The following PRELID2 variants were observed in gnomAD, a reference collection of about 807,000 sequenced individuals.
PRELID2 encodes PRELI domain containing 2, also known as PRELI domain-containing protein 2.
In PRELID2, 25 loss-of-function variants were observed where a neutral mutation model predicts 28.4. The ratio of observed to expected loss-of-function variants is 0.88; its 90% confidence interval spans 0.64 to 1.23. The LOEUF (loss-of-function observed/expected upper bound fraction) is 1.23, where lower values mean the gene tolerates loss of function less well. PRELID2 is among the 50% of genes most tolerant of loss of function. The pLI is 0.00. For missense variants in PRELID2, 201 were observed against 214.4 expected, an observed-to-expected ratio of 0.94 and a Z score of 0.39; for synonymous variants, 76 against 71.6, an observed-to-expected ratio of 1.06 and a Z score of -0.31.
chr5:145,709,651 A>C (rs1755637976), intron 1 of PRELID2, among the ~76,000 whole-genome samples: 1 of 152,128 alleles, frequency 6.6e-6, no homozygotes, highest in Admixed American at 6.6e-5. Context: ...ATTTTTTAAT[A>C]ATAACAAGAC....
At chr5:145,700,685 C>T (rs572625461) in intron 1 of PRELID2, among the ~76,000 whole-genome samples, 211 of 152,278 alleles carry the variant, frequency 1.4e-3, no homozygotes, top group Non-Finnish European at 1.5e-3. Flanking sequence ...GGACCAGCCA[C>T]GCTCCCTCTA....
chr5:145,474,930 T>C (rs1439936124), intron 1 of PRELID2, among the ~76,000 whole-genome samples: 6 of 151,814 alleles, frequency 4.0e-5, no homozygotes, highest in Admixed American at 1.3e-4. Context: ...TAAAAGGAGA[T>C]ATCACCATGC....
chr5:145,574,690 G>A (rs540238220), intron 1 of PRELID2, among the ~76,000 whole-genome samples: 19 of 152,226 alleles, frequency 1.2e-4, no homozygotes, highest in African/African-American at 4.3e-4. Flanking sequence ...GGTATCTGTT[G>A]GGGAGAGGTT....
chr5:145,333,296 C>T, the PRELID2 span, among the ~76,000 whole-genome samples: 5 of 152,178 alleles, frequency 3.3e-5, no homozygotes, highest in South Asian at 4.1e-4. Context: ...AGCATGAGCG[C>T]TATGCTGGGA....
the PRELID2 span, among the ~76,000 whole-genome samples, chr5:145,335,828 G>A: frequency 6.6e-6 from 1 of 152,152 alleles, no homozygotes; most frequent in Non-Finnish European, 1.5e-5. Context: ...TCTAGTTCTA[G>A]ATCCCTGAGG....
At chr5:145,427,358 A>G in the PRELID2 span, among the ~76,000 whole-genome samples, 1 of 152,202 alleles carries the variant, frequency 6.6e-6, no homozygotes, top group Non-Finnish European at 1.5e-5. Flanking sequence ...TGTATTTATT[A>G]ATCAGATTTA....
chr5:145,465,925 T>C, the PRELID2 span, among the ~76,000 whole-genome samples: 2 of 152,256 alleles, frequency 1.3e-5, no homozygotes, highest in South Asian at 2.1e-4. Context: ...TCCATTATTA[T>C]GATAGCATTT....
At chr5:145,722,742 C>T (rs1046510300) in intron 1 of PRELID2, among the ~76,000 whole-genome samples, 5 of 152,032 alleles carry the variant, frequency 3.3e-5, no homozygotes, top group Non-Finnish European at 7.4e-5. Flanking sequence ...TAAGCTGATC[C>T]GCCCACCTCG....
intron 1 of PRELID2, among the ~76,000 whole-genome samples, chr5:145,620,795 G>A (rs1051286470): frequency 6.6e-6 from 1 of 151,880 alleles, no homozygotes; most frequent in Non-Finnish European, 1.5e-5. Context: ...CCATGGCACA[G>A]CTTTGGGTGT....
the PRELID2 span, among the ~76,000 whole-genome samples, chr5:145,295,153 G>T: frequency 1.3e-5 from 2 of 152,080 alleles, no homozygotes; most frequent in African/African-American, 2.4e-5. Flanking sequence ...AAACATTGTA[G>T]CAAACTTTAG....
At chr5:145,624,446 T>C (rs931220725) in intron 1 of PRELID2, among the ~76,000 whole-genome samples, 1 of 152,144 alleles carries the variant, frequency 6.6e-6, no homozygotes, top group Admixed American at 6.5e-5. Flanking sequence ...TCACCAGTCA[T>C]CTTGTTTGCA....
the PRELID2 span, among the ~76,000 whole-genome samples, chr5:145,288,546 T>G: frequency 6.6e-6 from 1 of 152,118 alleles, no homozygotes; most frequent in African/African-American, 2.4e-5. Flanking sequence ...CAAAGAGCCC[T>G]AAGTCATTTT....
rs1429418355 is a variant in PRELID2 at position 145,603,721 on chromosome 5, T to TAC, written n.71-130408_71-130407dup. On this transcript the variant is annotated intron_variant and non_coding_transcript_variant, in intron 1 of 2. Coordinates refer to the PRELID2 transcript ENST00000510259. Reference sequence around the variant, plus strand: ...TTTAGGTTTTACACATACATACCTATACACACACGTTAGCATTTAATTTGG... The same window carrying TAC: ...TTTAGGTTTTACACATACATACCTATACACACACACGTTAGCATTTAATTTGG... Among the ~76,000 whole-genome samples the TAC allele has an allele frequency of 3.9e-5, 6 of 152,280 alleles. No homozygotes were observed. The South Asian group carries it at 1.2e-3, about 32-fold the overall frequency.
Position 145,820,976 on chromosome 5 carries a change from T to C in PRELID2, c.134-958A>G, listed in dbSNP as rs544260768. Among the ~76,000 whole-genome samples, 6 of 152,232 alleles carry C rather than the reference T, an allele frequency of 3.9e-5. No homozygotes were observed. The South Asian group carries it at 1.0e-3, about 26-fold the overall frequency. On this transcript the variant is annotated intron_variant, in intron 2 of 6. Coordinates refer to ENST00000683046, the MANE Select transcript of PRELID2 (RefSeq NM_205846.3). ...GCACGTTGGCATATATCCGGGGTCT[T>C]ACATCACTTCTCCCAACTCCTGAGA...
At chr5:145,594,551 G>A (rs1753275599) in intron 1 of PRELID2, among the ~76,000 whole-genome samples, 1 of 152,056 alleles carries the variant, frequency 6.6e-6, no homozygotes, top group Non-Finnish European at 1.5e-5. Context: ...ATGTATGCAT[G>A]AAGATCCTCA....
At chr5:145,802,149 C>T (rs1024475859) in intron 4 of PRELID2, among the ~76,000 whole-genome samples, 1 of 152,178 alleles carries the variant, frequency 6.6e-6, no homozygotes, top group African/African-American at 2.4e-5. Context: ...ATTTTCATTG[C>T]TACATAGTGT....
chr5:145,742,038 A>C (rs1756818664), intron 1 of PRELID2, among the ~76,000 whole-genome samples: 1 of 128,000 alleles, frequency 7.8e-6, no homozygotes, highest in South Asian at 2.3e-4. Context: ...TTATTCATTA[A>C]TAATAAATAA....
the PRELID2 span, among the ~76,000 whole-genome samples, chr5:145,344,201 C>A: frequency 2.6e-5 from 4 of 151,904 alleles, no homozygotes; most frequent in Admixed American, 2.0e-4. Context: ...AAGGACACAA[C>A]AACAACAAAT....
At chr5:145,718,953 A>T (rs1323560922) in intron 1 of PRELID2, among the ~76,000 whole-genome samples, 2 of 152,066 alleles carry the variant, frequency 1.3e-5, no homozygotes, top group Non-Finnish European at 2.9e-5. Flanking sequence ...AAATAAAAGC[A>T]TACACTATAT....
Sources: gnomAD v4.1 joint callset for allele counts (sites outside exome capture counted in the v4.1 genomes callset) on GRCh38, gnomAD v4.1.1 for gene constraint, MANE v1.5 for transcripts, NCBI Gene and HGNC (gene_info 2026-07-23, HGNC 2026-07-21) for gene names.